TBC1D5: variants seen among roughly 807,000 people sequenced by gnomAD.
TBC1D5 encodes TBC1 domain family member 5, also known as TBC1 domain family, member 5.
A neutral mutation model predicts 100.3 loss-of-function variants in TBC1D5; 75 were observed. The observed-to-expected ratio is 0.75, with a 90% CI of 0.62 to 0.91. TBC1D5 has a LOEUF of 0.91. Ranked by LOEUF, TBC1D5 falls within the 40% of genes least tolerant of loss-of-function variation. The probability of loss-of-function intolerance (pLI) is 0.00; values close to 1 mark genes in which losing one functional copy is unlikely to be tolerated. For missense variants in TBC1D5, 910 were observed against 942.4 expected, an observed-to-expected ratio of 0.97 and a Z score of 0.45; for synonymous variants, 323 against 325.6, an observed-to-expected ratio of 0.99 and a Z score of 0.09.
chr3:17,276,417 A>C (rs1364659613), intron 15 of TBC1D5, among the ~76,000 whole-genome samples: 1 of 152,176 alleles, frequency 6.6e-6, no homozygotes, highest in African/African-American at 2.4e-5. Context: ...AATGGGATCA[A>C]CATGGGGGCA....
chr3:17,160,428 T>C (rs1376978657), exon 22 of TBC1D5: 1 of 153,352 alleles, frequency 6.5e-6, no homozygotes, highest in Non-Finnish European at 1.5e-5. Context: ...GTTCATTCTA[T>C]TGCATTTAGC....
chr3:17,187,058 A>G (rs956937817), intron 18 of TBC1D5, among the ~76,000 whole-genome samples: 2 of 152,108 alleles, frequency 1.3e-5, no homozygotes, highest in Admixed American at 1.3e-4. Context: ...ACAGGCTTGA[A>G]TTTCCCTCGT....
intron 2 of TBC1D5, among the ~76,000 whole-genome samples, chr3:17,568,761 T>C (rs1284349020): frequency 6.6e-6 from 1 of 151,726 alleles, no homozygotes; most frequent in Non-Finnish European, 1.5e-5. Context: ...ATATATTGCC[T>C]ATTTTCTTCT....
intron 1 of TBC1D5, among the ~76,000 whole-genome samples, chr3:17,670,211 A>G (rs772984270): frequency 1.1e-4 from 17 of 152,178 alleles, no homozygotes; most frequent in Non-Finnish European, 7.4e-5. Context: ...TTTTTACGTT[A>G]AAGCTGAAAA....
chr3:17,307,608 A>G (rs2083525410), intron 14 of TBC1D5, among the ~76,000 whole-genome samples: 1 of 152,228 alleles, frequency 6.6e-6, no homozygotes, highest in South Asian at 2.1e-4. Context: ...AAATAATTCC[A>G]ATCTCCTGAT....
At chr3:17,279,096 A>G (rs555646406) in intron 15 of TBC1D5, among the ~76,000 whole-genome samples, 1 of 152,258 alleles carries the variant, frequency 6.6e-6, no homozygotes, top group African/African-American at 2.4e-5. Context: ...TATGTTTTCA[A>G]AATATTTTGC....
At chr3:17,534,960 A>C (rs184098005) in intron 2 of TBC1D5, among the ~76,000 whole-genome samples, 156 of 152,292 alleles carry the variant, frequency 1.0e-3, no homozygotes, top group Middle Eastern at 0.01. Flanking sequence ...TTTTTGAAGA[A>C]GACTATTTCT....
chr3:17,331,647 G>A (rs1032067218), intron 13 of TBC1D5, among the ~76,000 whole-genome samples: 7 of 152,310 alleles, frequency 4.6e-5, no homozygotes, highest in African/African-American at 1.7e-4. Flanking sequence ...CCTTCCTGGA[G>A]CTTATATTGT....
intron 2 of TBC1D5, among the ~76,000 whole-genome samples, chr3:17,568,334 T>C (rs958085516): frequency 8.6e-5 from 13 of 151,422 alleles, no homozygotes; most frequent in African/African-American, 3.1e-4. Flanking sequence ...TAACTGCAGG[T>C]CAACCACATT....
intron 2 of TBC1D5, among the ~76,000 whole-genome samples, chr3:17,576,871 A>G (rs537551507): frequency 6.6e-6 from 1 of 152,040 alleles, no homozygotes; most frequent in Non-Finnish European, 1.5e-5. Context: ...AAAAAGAAAT[A>G]ACACAAATTT....
chr3:17,520,367 G>T (rs1336357544), intron 2 of TBC1D5, among the ~76,000 whole-genome samples: 1 of 152,098 alleles, frequency 6.6e-6, no homozygotes, highest in Admixed American at 6.5e-5. Flanking sequence ...GAGAAATGAC[G>T]AAGAGAAAGG....
chr3:17,662,076 G>C (rs1167834119), intron 1 of TBC1D5, among the ~76,000 whole-genome samples: 1 of 152,028 alleles, frequency 6.6e-6, no homozygotes, highest in Non-Finnish European at 1.5e-5. Flanking sequence ...TTTTTGTAGA[G>C]ACAGGGTCTC....
intron 3 of TBC1D5, among the ~76,000 whole-genome samples, chr3:17,472,728 A>G (rs899840257): frequency 2.0e-5 from 3 of 152,154 alleles, no homozygotes; most frequent in East Asian, 1.9e-4. Context: ...GGCACTCAAT[A>G]AACAGCTACT....
At chr3:17,339,375 G>C (rs538201660) in intron 13 of TBC1D5, among the ~76,000 whole-genome samples, 1 of 152,204 alleles carries the variant, frequency 6.6e-6, no homozygotes, top group Non-Finnish European at 1.5e-5. Flanking sequence ...CAACACTAGA[G>C]AACTGTTTAT....
chr3:17,161,140 A>G, exon 22 of TBC1D5: 1 of 1,614,194 alleles, frequency 6.2e-7, no homozygotes, highest in Non-Finnish European at 8.5e-7. Flanking sequence ...GGGTGCGAAG[A>G]GGCTGGGCCT....
At chr3:17,522,749 A>G (rs908390154) in intron 2 of TBC1D5, among the ~76,000 whole-genome samples, 1 of 152,172 alleles carries the variant, frequency 6.6e-6, no homozygotes, top group African/African-American at 2.4e-5. Context: ...AAAAGAATGT[A>G]GCATACTATC....
At chr3:17,504,016 A>T (rs1037606505) in intron 3 of TBC1D5, among the ~76,000 whole-genome samples, 1 of 149,370 alleles carries the variant, frequency 6.7e-6, no homozygotes, top group African/African-American at 2.5e-5. Context: ...AACAGAGGAT[A>T]AAACAGGAGA....
At chr3:17,481,054 G>A (rs1302081195) in intron 3 of TBC1D5, among the ~76,000 whole-genome samples, 1 of 152,204 alleles carries the variant, frequency 6.6e-6, no homozygotes, top group Non-Finnish European at 1.5e-5. Flanking sequence ...CCTGAACCAG[G>A]GTTGTGACAA....
At chr3:17,632,966 CCAA>C (rs1035867185) in intron 1 of TBC1D5, among the ~76,000 whole-genome samples, 18 of 152,170 alleles carry the variant, frequency 1.2e-4, no homozygotes, top group African/African-American at 4.3e-4. Flanking sequence ...CCCTTTTTCC[CCAA>C]CAATTATAAC....
Sources: allele counts gnomAD v4.1 joint callset (sites outside exome capture counted in the v4.1 genomes callset), GRCh38; gene constraint gnomAD v4.1.1; transcripts MANE v1.5; gene names NCBI Gene and HGNC (gene_info 2026-07-23, HGNC 2026-07-21).